Variants in SERINC5 observed in about 807,000 individuals in gnomAD.
The protein encoded by SERINC5 is chromosome 5 open reading frame 12.
Under a neutral mutation model 63.1 loss-of-function variants are expected in SERINC5, and 41 were observed. The ratio of observed to expected loss-of-function variants is 0.65; its 90% CI spans 0.51 to 0.84. The LOEUF is 0.84. Ranked by LOEUF, SERINC5 falls within the 40% of genes least tolerant of loss-of-function variation. The pLI is 0.00. For missense variants in SERINC5, 523 were observed against 573.0 expected, an observed-to-expected ratio of 0.91 and a Z score of 0.89; for synonymous variants, 222 against 215.2, an observed-to-expected ratio of 1.03 and a Z score of -0.28.
Position 80,252,753 on chromosome 5 carries a change from G to C in SERINC5, c.27+3143C>G, listed in dbSNP as rs570197443. Among the ~76,000 whole-genome samples, 265 of 152,244 alleles carry C rather than the reference G, an allele frequency of 1.7e-3. 3 individuals carry two copies. The highest frequency in any genetic ancestry group is 6.1e-3 in the African/African-American group (254 of 41,548). ...AACCCTAAGAAGTACCCATTCAATA[G>C]TTGAGGTAAAATGAGGTCATAGAGG... On this transcript the variant is annotated intron_variant, in intron 1 of 11. Coordinates refer to ENST00000507668, the MANE Select transcript of SERINC5 (RefSeq NM_001174072.3).
chr5:80,223,527 C>A (rs1005995112), intron 1 of SERINC5, among the ~76,000 whole-genome samples: 4 of 152,098 alleles, frequency 2.6e-5, no homozygotes, highest in Non-Finnish European at 5.9e-5. Flanking sequence ...TCATCATATT[C>A]TTTTATAAAA....
intron 1 of SERINC5, among the ~76,000 whole-genome samples, chr5:80,243,789 CAAAAT>C (rs1462023257): frequency 8.0e-6 from 1 of 125,652 alleles, no homozygotes; most frequent in African/African-American, 3.0e-5. Flanking sequence ...ATAAATAAAA[CAAAAT>C]AAAATAAGCA....
intron 11 of SERINC5, chr5:80,114,521 G>A: frequency 9.9e-6 from 2 of 202,698 alleles, no homozygotes; most frequent in South Asian, 5.2e-5. Flanking sequence ...CACCATGGTG[G>A]CACATGCCTG....
At position 80,140,184 on chromosome 5, in the gene SERINC5, T is replaced by TG. The variant is rs1360646661; in HGVS notation, c.*3478dup. On this transcript the variant is annotated 3_prime_UTR_variant, in exon 12 of 12. Coordinates refer to ENST00000507668, the MANE Select transcript of SERINC5 (RefSeq NM_001174072.3). ...AAAAATAAAAATCGGCCAGGTGTGA[T>TG]GGGGCAAACCTGTGGTCTCAGCTAC... 1.4e-6 allele frequency: 1 copy of TG among 736,032 alleles called. No individual in the cohort carries two copies. Among genetic ancestry groups the TG allele is most frequent in the Non-Finnish European group, 1.7e-6 (1 of 603,300 alleles). 45.6% of individuals were successfully genotyped at this position (736,032 alleles called of 1,614,324 possible). A position where few individuals can be genotyped will look rare whatever the true frequency, so the allele number is the denominator to read the frequency against.
chr5:80,175,657 T>TCG (rs1201873756), intron 4 of SERINC5, among the ~76,000 whole-genome samples: 1 of 150,232 alleles, frequency 6.7e-6, no homozygotes, highest in Non-Finnish European at 1.5e-5. Flanking sequence ...TCACTTGAGG[T>TCG]CAGGAGTCGG....
intron 11 of SERINC5, among the ~76,000 whole-genome samples, chr5:80,144,996 T>G (rs2112299083): frequency 7.9e-6 from 1 of 126,052 alleles, no homozygotes; most frequent in East Asian, 2.1e-4. Context: ...TACTGCCAAG[T>G]TAAAAAAAAA....
intron 7 of SERINC5, among the ~76,000 whole-genome samples, chr5:80,162,553 T>C (rs1056669018): frequency 6.6e-6 from 1 of 152,108 alleles, no homozygotes; most frequent in Non-Finnish European, 1.5e-5. Context: ...TGTAAATTTT[T>C]TGTAGAGATG....
chr5:80,131,640 T>C (rs1561352836), intron 11 of SERINC5, among the ~76,000 whole-genome samples: 1 of 152,148 alleles, frequency 6.6e-6, no homozygotes, highest in Non-Finnish European at 1.5e-5. Context: ...GAATGGGTCA[T>C]GCAGGGTTTT....
chr5:80,178,447 C>T (rs185486934), intron 2 of SERINC5, among the ~76,000 whole-genome samples: 10 of 147,758 alleles, frequency 6.8e-5, no homozygotes, highest in African/African-American at 2.3e-4. Context: ...ACTGCAGCCT[C>T]GATCTTCCAG....
chr5:80,203,264 A>ATATG (rs1006838232), intron 1 of SERINC5: 15 of 230,788 alleles, frequency 6.5e-5, no homozygotes, highest in Middle Eastern at 3.2e-3. Flanking sequence ...ACACATATAT[A>ATATG]TATATATGTG....
At chr5:80,221,259 C>A (rs949087686) in intron 1 of SERINC5, among the ~76,000 whole-genome samples, 4 of 152,172 alleles carry the variant, frequency 2.6e-5, no homozygotes, top group Admixed American at 2.0e-4. Flanking sequence ...CGACAGCAGG[C>A]ACATTTAACA....
chr5:80,148,288 T>A (rs1462608344), intron 9 of SERINC5, among the ~76,000 whole-genome samples: 1 of 149,338 alleles, frequency 6.7e-6, no homozygotes, highest in Admixed American at 6.8e-5. Flanking sequence ...CCTCCTGGGT[T>A]CAAGCAATTA....
At chr5:80,126,611 G>A (rs1396110956) in intron 11 of SERINC5, among the ~76,000 whole-genome samples, 2 of 152,148 alleles carry the variant, frequency 1.3e-5, no homozygotes. Context: ...CTTCAATGTT[G>A]TGAGATGTAT....
chr5:80,148,415 C>T (rs1181057946), intron 9 of SERINC5, among the ~76,000 whole-genome samples: 2 of 151,826 alleles, frequency 1.3e-5, no homozygotes, highest in Admixed American at 1.3e-4. Flanking sequence ...GTCTCGAACT[C>T]CAGGCCTCAG....
chr5:80,189,926 G>A (rs1749077501), intron 2 of SERINC5, among the ~76,000 whole-genome samples: 1 of 151,996 alleles, frequency 6.6e-6, no homozygotes, highest in Non-Finnish European at 1.5e-5. Flanking sequence ...GCACAGGCTG[G>A]TCTCAAATTC....
chr5:80,196,284 T>C (rs1749494601), intron 2 of SERINC5, among the ~76,000 whole-genome samples: 2 of 151,912 alleles, frequency 1.3e-5, no homozygotes, highest in Admixed American at 1.3e-4. Flanking sequence ...CAGAGGGCAG[T>C]GTTAGAGGCA....
intron 1 of SERINC5, among the ~76,000 whole-genome samples, chr5:80,244,342 A>C (rs143946742): frequency 1.5e-4 from 23 of 151,734 alleles, no homozygotes; most frequent in African/African-American, 5.6e-4. Flanking sequence ...CAACCTCCTG[A>C]GTAGCTGGGA....
At chr5:80,197,255 A>T (rs1384291771) in intron 2 of SERINC5, among the ~76,000 whole-genome samples, 1 of 133,910 alleles carries the variant, frequency 7.5e-6, no homozygotes, top group Non-Finnish European at 1.6e-5. Flanking sequence ...AGGCTGAAGC[A>T]GAAGATCGTG....
intron 8 of SERINC5, among the ~76,000 whole-genome samples, chr5:80,155,710 G>A (rs1057195965): frequency 6.6e-6 from 1 of 151,966 alleles, no homozygotes; most frequent in Non-Finnish European, 1.5e-5. Context: ...ACCCAGCCTG[G>A]GTAACATAGT....
Sources: allele counts gnomAD v4.1 joint callset (sites outside exome capture counted in the v4.1 genomes callset), GRCh38; gene constraint gnomAD v4.1.1; transcripts MANE v1.5; gene names NCBI Gene and HGNC (gene_info 2026-07-23, HGNC 2026-07-21).